The following CTDNEP1 variants were observed in gnomAD, a reference collection of about 807,000 sequenced individuals.
CTDNEP1 encodes the protein CTD nuclear envelope phosphatase 1.
A neutral mutation model predicts 30.1 loss-of-function variants in CTDNEP1; 3 were observed. The observed-to-expected ratio is 0.10, with a 90% confidence interval of 0.05 to 0.26. The LOEUF (loss-of-function observed/expected upper bound fraction) is 0.26, where lower values mean the gene tolerates loss of function less well. Among genes scored for constraint, CTDNEP1 ranks in the 10% least tolerant of loss-of-function variants. The probability of loss-of-function intolerance (pLI) is 1.00; values close to 1 mark genes in which losing one functional copy is unlikely to be tolerated. For missense variants in CTDNEP1, 158 were observed against 310.4 expected (o/e 0.51, Z 3.69); for synonymous variants, 123 against 118.8 (o/e 1.04, Z -0.23).
chr17:7,249,425 A>C (rs2071884530), intron 1 of CTDNEP1, among the ~76,000 whole-genome samples: 1 of 152,134 alleles, frequency 6.6e-6, no homozygotes, highest in African/African-American at 2.4e-5. Context: ...GGAATGCTCC[A>C]AGCATCTGCC....
intron 1 of CTDNEP1, among the ~76,000 whole-genome samples, chr17:7,250,575 C>T (rs895165483): frequency 1.3e-5 from 2 of 152,174 alleles, no homozygotes; most frequent in African/African-American, 4.8e-5. Context: ...ATTAAAGAGG[C>T]CCATCGTAAA....
rs2142999434 is a variant in CTDNEP1 at position 7,251,287 on chromosome 17, T to A, written c.10A>T (p.Thr4Ser). 2 of 1,575,838 alleles carry A rather than the reference T, an allele frequency of 1.3e-6. No individual in the cohort carries two copies. Among genetic ancestry groups the A allele is most frequent in the Middle Eastern group, 1.7e-4 (1 of 5,830 alleles). The change falls in exon 1 of 8, where the codon ACG (threonine) becomes TCG (serine). Residue 4 changes from threonine to serine, a missense_variant. Coordinates refer to ENST00000574322, the MANE Select transcript of CTDNEP1 (RefSeq NM_001143775.2). ...GTGCGCAGCCCCAGCAGACACTGCG[T>A]CCGCATCATCCCGATGACCCCGGCA... MMR[T>S]QCLLGLRTFV...
chr17:7,244,805 T>A, intron 6 of CTDNEP1, 170 bp from the exon 7 acceptor site: 1 of 579,434 alleles, frequency 1.7e-6, no homozygotes, highest in South Asian at 2.1e-5. Flanking sequence ...TAAGTTTTAA[T>A]CACCAGATCT....
Position 7,244,586 on chromosome 17 carries a change from G to A in CTDNEP1, c.639C>T (p.Ala213=), listed in dbSNP as rs752244054. 1.2e-6 allele frequency: 2 copies of A among 1,613,944 alleles called. No individual in the cohort carries two copies. The highest frequency in any genetic ancestry group is 1.7e-6 in the Non-Finnish European group (2 of 1,179,976). The part of the protein sequence containing the change: ...KSWFSDPSDT[A]LLNLLPMLDA... The stretch of plus-strand genomic sequence containing the variant: ...CCAGCATTGGGAGCAGGTTGAGAAG[G>A]GCTGTGTCGCTGGGGTCACTGAACC... The change falls in exon 7 of 8, where the codon GCC becomes GCT. Residue 213 remains alanine, a synonymous_variant. Transcript: ENST00000574322.
In CTDNEP1 at chr17:7,245,300, A is replaced by C. The variant is rs573962424; in HGVS notation, c.590-665T>G. Reference sequence around the variant, plus strand: ...GTGCGAGACTCTGTCTCAAAAAAAAATAAAAAATAAAAAAATTAGCTGGGC... The same window carrying C: ...GTGCGAGACTCTGTCTCAAAAAAAACTAAAAAATAAAAAAATTAGCTGGGC... On this transcript the variant is annotated intron_variant, in intron 6 of 7. Transcript: ENST00000574322. Among the ~76,000 whole-genome samples the C allele has an allele frequency of 4.0e-5, 6 of 151,512 alleles. No individual in the cohort carries two copies. In the East Asian group the frequency reaches 1.2e-3, roughly 30 times the overall value.
At position 7,247,423 on chromosome 17, in the gene CTDNEP1, A is replaced by G. The variant is rs2071854871; in HGVS notation, c.103-80T>C. 24 of 1,051,086 alleles carry G rather than the reference A, an allele frequency of 2.3e-5. No homozygotes were observed. The South Asian group carries it at 2.8e-4, about 12-fold the overall frequency. 65.1% of individuals were successfully genotyped at this position (1,051,086 alleles called of 1,614,324 possible). A position where few individuals can be genotyped will look rare whatever the true frequency, so the allele number is the denominator to read the frequency against. ...AACAGTAACAGGGAGCACATAATGA[A>G]CATTTACCACAGGTACTATGTATGT... On this transcript the variant is annotated intron_variant, in intron 1 of 7. Coordinates refer to ENST00000574322, the MANE Select transcript of CTDNEP1 (RefSeq NM_001143775.2).
Position 7,246,526 on chromosome 17 carries a change from C to G in CTDNEP1, c.361-156G>C. Reference sequence around the variant, plus strand: ...GAAATTCTGAACCCCCAGCCCAAACCTCCAAACTCAGTGTTAGGCATCCTA... The same window carrying G: ...GAAATTCTGAACCCCCAGCCCAAACGTCCAAACTCAGTGTTAGGCATCCTA... On this transcript the variant is annotated intron_variant, in intron 4 of 7. Transcript: ENST00000574322. The surrounding 1 kb of genome is among the most constrained non-coding windows in gnomAD (Gnocchi z 4.9). 1 of 662,682 alleles carries G rather than the reference C, an allele frequency of 1.5e-6. No homozygotes were observed. Among genetic ancestry groups the G allele is most frequent in the Non-Finnish European group, 2.6e-6 (1 of 379,336 alleles). 41.1% of individuals were successfully genotyped at this position (662,682 alleles called of 1,614,324 possible).
At chr17:7,244,886 A>T (rs2071816608) in intron 6 of CTDNEP1, 1 of 414,214 alleles carries the variant, frequency 2.4e-6, no homozygotes, top group African/African-American at 2.1e-5. Flanking sequence ...GGCCAGGCGC[A>T]GTGGCTCACA....
At position 7,246,150 on chromosome 17, in the gene CTDNEP1, G is replaced by C. The variant is rs1356705935; in HGVS notation, c.478-13C>G. 6.2e-7 allele frequency: 1 copy of C among 1,606,304 alleles called. No homozygotes were observed. The highest frequency in any genetic ancestry group is 1.7e-5 in the Admixed American group (1 of 60,000). On this transcript the variant is annotated splice_polypyrimidine_tract_variant and intron_variant, in intron 5 of 7. Transcript: ENST00000574322. The surrounding 1 kb of genome is among the most constrained non-coding windows in gnomAD (Gnocchi z 4.9). ...CCAAAGTGCAGTGCTGGAAGGCAGG[G>C]GATCATGTAGCAGGCCTCTCTCCAG...
At chr17:7,248,274 A>C (rs1261201000) in intron 1 of CTDNEP1, among the ~76,000 whole-genome samples, 2 of 149,148 alleles carry the variant, frequency 1.3e-5, no homozygotes, top group African/African-American at 4.9e-5. Context: ...AAAAAAAAAA[A>C]AAAAAAAAAA....
chr17:7,247,189 C>T lies in CTDNEP1; in HGVS notation c.170-7G>A. 1 of 1,612,538 alleles carries T rather than the reference C, an allele frequency of 6.2e-7. No individual in the cohort carries two copies. ...ATCTTCCTCTTCACCTGGGCTGAACCAGAGTGGGGAGGAATAATATTGACC... is the reference window on the plus strand; with the variant it reads ...ATCTTCCTCTTCACCTGGGCTGAACTAGAGTGGGGAGGAATAATATTGACC... On this transcript the variant is annotated splice_polypyrimidine_tract_variant and splice_region_variant and intron_variant, in intron 2 of 7. Transcript: ENST00000574322.
chr17:7,246,676 C>A lies in CTDNEP1; in HGVS notation c.360+115G>T. 1.2e-6 allele frequency: 1 copy of A among 862,638 alleles called. No homozygotes were observed. Among genetic ancestry groups the A allele is most frequent in the Non-Finnish European group, 1.9e-6 (1 of 527,832 alleles). The allele number at this position is 862,638 out of a possible 1,614,324, so 53.4% of individuals were successfully genotyped here. A position where few individuals can be genotyped will look rare whatever the true frequency, so the allele number is the denominator to read the frequency against. Reference sequence around the variant, plus strand: ...CCCCTACCATTACACAGCCTCCCCTCTAGAAAACTGCTCTAACCCGTTTCT... The same window carrying A: ...CCCCTACCATTACACAGCCTCCCCTATAGAAAACTGCTCTAACCCGTTTCT... On this transcript the variant is annotated intron_variant, in intron 4 of 7. Coordinates refer to ENST00000574322, the MANE Select transcript of CTDNEP1 (RefSeq NM_001143775.2). The surrounding 1 kb of genome is among the most constrained non-coding windows in gnomAD (Gnocchi z 4.9).
At chr17:7,248,396 A>G (rs1463950941) in intron 1 of CTDNEP1, among the ~76,000 whole-genome samples, 1 of 125,846 alleles carries the variant, frequency 7.9e-6, no homozygotes, top group Non-Finnish European at 1.6e-5. Flanking sequence ...GTCTCACTCC[A>G]TTGCCCAGGC....
rs1313111356 is a variant in CTDNEP1 at position 7,247,085 on chromosome 17, C to T, written c.267G>A (p.Thr89=). 2.5e-6 allele frequency: 4 copies of T among 1,612,068 alleles called. No homozygotes were observed. The highest frequency in any genetic ancestry group is 3.4e-6 in the Non-Finnish European group (4 of 1,179,342). ...ACACCTTGAGGATGAAGTCAGGAGGCGTACCAGGCCGGACTGTGGGCCTCA... is the reference window on the plus strand; with the variant it reads ...ACACCTTGAGGATGAAGTCAGGAGGTGTACCAGGCCGGACTGTGGGCCTCA... The part of the protein sequence containing the change: ...GVLRPTVRPG[T]PPDFILKVVI... Residue 89 remains threonine, a synonymous_variant, in exon 3 of 8, where the codon ACG becomes ACA. Coordinates refer to ENST00000574322, the MANE Select transcript of CTDNEP1 (RefSeq NM_001143775.2).
chr17:7,245,880 C>T (rs1269259667), intron 6 of CTDNEP1, 146 bp downstream of exon 6: 1 of 594,302 alleles, frequency 1.7e-6, no homozygotes, highest in Non-Finnish European at 3.1e-6. Flanking sequence ...ATTTGAAACA[C>T]AAAAATAACT....
chr17:7,247,976 G>C (rs762019115), intron 1 of CTDNEP1, among the ~76,000 whole-genome samples: 4 of 151,708 alleles, frequency 2.6e-5, no homozygotes, highest in East Asian at 2.0e-4. Flanking sequence ...GATATTAGTA[G>C]AATCAGCCAG....
rs200843682 is a variant in CTDNEP1 at position 7,246,887 on chromosome 17, G to C, written c.289-25C>G. The C allele has an allele frequency of 1.2e-4, 189 of 1,605,284 alleles. No individual in the cohort carries two copies. In the African/African-American group the frequency reaches 2.4e-3, roughly 20 times the overall value. On this transcript the variant is annotated intron_variant, in intron 3 of 7. Coordinates refer to ENST00000574322, the MANE Select transcript of CTDNEP1 (RefSeq NM_001143775.2). The surrounding 1 kb of genome is among the most constrained non-coding windows in gnomAD (Gnocchi z 4.9). Reference sequence around the variant, plus strand: ...CCTACAGAGGAACAAGATGGGCTGGGGGATGTCATGACCACCACAACCCAG... The same window carrying C: ...CCTACAGAGGAACAAGATGGGCTGGCGGATGTCATGACCACCACAACCCAG...
At chr17:7,247,250 A>C (rs961931381) in intron 2 of CTDNEP1, 27 bp downstream of exon 2, 1 of 1,612,264 alleles carries the variant, frequency 6.2e-7, no homozygotes, top group Admixed American at 1.7e-5. Flanking sequence ...ACTTCACCCT[A>C]AAGGAGGCTT....
intron 1 of CTDNEP1, 92 bp downstream of exon 1, chr17:7,251,103 G>A: frequency 1.2e-6 from 1 of 850,276 alleles, no homozygotes; most frequent in Non-Finnish European, 1.8e-6. Flanking sequence ...CCAAACAGAG[G>A]CCCGACACTC....
Sources: gnomAD v4.1 joint callset for allele counts (sites outside exome capture counted in the v4.1 genomes callset) on GRCh38, gnomAD v4.1.1 for gene constraint, Gnocchi (gnomAD v3.1) non-coding constraint, MANE v1.5 for transcripts, NCBI Gene and HGNC (gene_info 2026-07-23, HGNC 2026-07-21) for gene names.